Variants in IREB2 observed in about 807,000 individuals in gnomAD.
IREB2 encodes the protein iron responsive element binding protein 2.
A neutral mutation model predicts 118.8 loss-of-function variants in IREB2; 39 were observed. The observed-to-expected ratio is 0.33, with a 90% CI of 0.25 to 0.43. IREB2 has a LOEUF of 0.43. IREB2 is among the 20% of genes least tolerant of loss of function. The probability of loss-of-function intolerance (pLI) is 1.00; values close to 1 mark genes in which losing one functional copy is unlikely to be tolerated. For synonymous variants in IREB2, 372 were observed against 392.2 expected, an observed-to-expected ratio of 0.95 and a Z score of 0.61; for missense variants, 900 against 1,147.3, an observed-to-expected ratio of 0.78 and a Z score of 3.11.
intron 16 of IREB2, 61 bp from the exon 17 acceptor site, chr15:78,490,361 G>A (rs1486162204): frequency 8.8e-6 from 9 of 1,022,856 alleles, no homozygotes; most frequent in Middle Eastern, 2.1e-4. Flanking sequence ...ATTTTCATGC[G>A]CCTCTTTTTC....
intron 20 of IREB2, among the ~76,000 whole-genome samples, chr15:78,494,657 A>G (rs939196942): frequency 7.2e-5 from 11 of 152,074 alleles, no homozygotes; most frequent in Admixed American, 4.6e-4. Context: ...TGCTGCAGCC[A>G]TGACCTCCCA....
intron 10 of IREB2, among the ~76,000 whole-genome samples, chr15:78,481,250 T>G (rs1357113234): frequency 2.0e-5 from 3 of 152,190 alleles, no homozygotes; most frequent in Non-Finnish European, 4.4e-5. Context: ...CCACCCATGC[T>G]GGAGTGCAGT....
At position 78,466,400 on chromosome 15, in the gene IREB2, T is replaced by C. The variant is rs372459432; in HGVS notation, c.540T>C (p.Ser180=). Residue 180 remains serine (S), a synonymous_variant, in exon 5 of 22, where the codon TCT becomes TCC. Coordinates refer to ENST00000258886, the MANE Select transcript of IREB2 (RefSeq NM_004136.4). ...CTACCTGCCGAGGATCTTGTGATTCTGGAGAACTAGGCCGAAACTCAGGAA... is the reference window on the plus strand; with the variant it reads ...CTACCTGCCGAGGATCTTGTGATTCCGGAGAACTAGGCCGAAACTCAGGAA... ...GQTTCRGSCD[S]GELGRNSGTF... 1.9e-6 allele frequency: 3 copies of C among 1,614,202 alleles called. No individual in the cohort carries two copies. Among genetic ancestry groups the C allele is most frequent in the African/African-American group, 2.7e-5 (2 of 75,050 alleles).
chr15:78,458,657 C>T (rs1437851749), intron 2 of IREB2, among the ~76,000 whole-genome samples: 1 of 152,168 alleles, frequency 6.6e-6, no homozygotes, highest in Admixed American at 6.5e-5. Context: ...TACTCACCTC[C>T]CTCATAGCAC....
At position 78,488,624 on chromosome 15, in the gene IREB2, T is replaced by C. The variant is rs780170627; in HGVS notation, c.1952-23T>C. 5.1e-6 allele frequency: 8 copies of C among 1,580,882 alleles called. No individual in the cohort carries two copies. The African/African-American group carries it at 9.6e-5, about 19-fold the overall frequency. ...TTCAGAGTTATTTTTTTACTGAGTA[T>C]CATGTTCAAAAATTTTAACCAGGTA... On this transcript the variant is annotated intron_variant, in intron 15 of 21. Coordinates refer to ENST00000258886, the MANE Select transcript of IREB2 (RefSeq NM_004136.4).
At chr15:78,477,926 A>C (rs771792314) in intron 9 of IREB2, among the ~76,000 whole-genome samples, 52 of 152,050 alleles carry the variant, frequency 3.4e-4, no homozygotes, top group Non-Finnish European at 6.5e-4. Context: ...GTTTCTAAAA[A>C]TAATAAATTT....
intron 2 of IREB2, among the ~76,000 whole-genome samples, chr15:78,442,156 A>G (rs2050854780): frequency 6.6e-6 from 1 of 152,146 alleles, no homozygotes. Flanking sequence ...TCAGCCTCTC[A>G]AAGTGCTGGG....
intron 4 of IREB2, 95 bp downstream of exon 4, chr15:78,465,483 A>G (rs2051266929): frequency 2.5e-6 from 3 of 1,184,368 alleles, no homozygotes; most frequent in Non-Finnish European, 3.5e-6. Flanking sequence ...TTTATGGCAG[A>G]GAAAAGTATG....
chr15:78,447,758 T>A (rs187470270), intron 2 of IREB2, among the ~76,000 whole-genome samples: 3 of 152,340 alleles, frequency 2.0e-5, no homozygotes, highest in Admixed American at 6.5e-5. Context: ...CCCATTATTC[T>A]GCTTTTCTTT....
chr15:78,452,325 TGAAGTTGGGAACA>T (rs1189002298), intron 2 of IREB2, among the ~76,000 whole-genome samples: 2 of 152,118 alleles, frequency 1.3e-5, no homozygotes, highest in African/African-American at 4.8e-5. Flanking sequence ...TAGGTACTAG[TGAAGTTGGGAACA>T]TACCAGTATT....
Position 78,494,246 on chromosome 15 carries a change from C to G in IREB2, c.2577C>G (p.Ala859=). The change falls in exon 20 of 22, where the codon GCC becomes GCG. Residue 859 remains alanine (A), a synonymous_variant. Transcript: ENST00000258886. ...YGSGNSRDWA[A]KGPYLLGVKA... ...CAGGAAACTCCAGAGACTGGGCTGC[C>G]AAAGGACCGTATTTACTGGTATTGA... 6.2e-7 allele frequency: 1 copy of G among 1,613,768 alleles called. No homozygotes were observed.
chr15:78,476,564 T>G (rs1047106991), intron 9 of IREB2: 5 of 386,092 alleles, frequency 1.3e-5, no homozygotes, highest in African/African-American at 8.1e-5. Context: ...TGAAAGCAAT[T>G]TAAAGGAATT....
chr15:78,474,720 T>C (rs777777571), intron 8 of IREB2: 4 of 152,198 alleles, frequency 2.6e-5, no homozygotes, highest in Non-Finnish European at 5.9e-5. Context: ...GAGAGCAGCA[T>C]TTGGTTTGTA....
rs139257953 is a variant in IREB2 at position 78,455,539 on chromosome 15, T to A, written c.107-7383T>A. Among the ~76,000 whole-genome samples, 1,190 of 151,174 alleles carry A rather than the reference T, an allele frequency of 7.9e-3. 17 individuals are homozygous for A. The highest frequency in any genetic ancestry group is 0.027 in the African/African-American group (1,123 of 41,182). On this transcript the variant is annotated intron_variant, in intron 2 of 21. Coordinates refer to ENST00000258886, the MANE Select transcript of IREB2 (RefSeq NM_004136.4). ...GAGGCCAGAAGTTGGGAGACCATCC[T>A]GGGCAACATAGGAAAATCCCATCTC...
At position 78,465,425 on chromosome 15, in the gene IREB2, G is replaced by A. The variant is rs187072238; in HGVS notation, c.410+37G>A. Reference sequence around the variant, plus strand: ...CAGATATTTATAGACAGCCATGCAAGTTAATTGGCTGGAAATGTGTCATGT... The same window carrying A: ...CAGATATTTATAGACAGCCATGCAAATTAATTGGCTGGAAATGTGTCATGT... On this transcript the variant is annotated intron_variant, in intron 4 of 21. Coordinates refer to ENST00000258886, the MANE Select transcript of IREB2 (RefSeq NM_004136.4). The A allele has an allele frequency of 1.7e-5, 26 of 1,563,188 alleles. No homozygotes were observed. In the African/African-American group the frequency reaches 3.0e-4, roughly 18 times the overall value.
chr15:78,441,656 CTG>C (rs1347849876), intron 2 of IREB2, among the ~76,000 whole-genome samples: 2 of 152,140 alleles, frequency 1.3e-5, no homozygotes, highest in African/African-American at 2.4e-5. Context: ...TCAAAAACAA[CTG>C]TAAAATGCAT....
rs1171037146 is a variant in IREB2 at position 78,497,343 on chromosome 15, G to A, written c.2781+32G>A. 5.0e-6 allele frequency: 7 copies of A among 1,390,762 alleles called. No homozygotes were observed. In the Admixed American group the frequency reaches 1.2e-4, roughly 24 times the overall value. 86.2% of individuals were successfully genotyped at this position (1,390,762 alleles called of 1,614,324 possible). On this transcript the variant is annotated intron_variant, in intron 21 of 21. Transcript: ENST00000258886. ...CTAAATTTTTCAAATATATGATTAT[G>A]CACTCAAATGTTTATGAATTATTGA...
At chr15:78,473,610 AT>A (rs2051416038) in intron 8 of IREB2, 1 of 465,306 alleles carries the variant, frequency 2.1e-6, no homozygotes, top group South Asian at 2.8e-5. Context: ...TTTAGTCCTT[AT>A]AACAAGCCTG....
intron 2 of IREB2, among the ~76,000 whole-genome samples, chr15:78,453,952 C>G (rs2656068): frequency 0.04 from 6,023 of 152,234 alleles, 450 homozygotes; most frequent in African/African-American, 0.14. Context: ...TTTCCTCATT[C>G]TTCCTCCTCA....
Sources: gnomAD v4.1 joint callset for allele counts (sites outside exome capture counted in the v4.1 genomes callset) on GRCh38, gnomAD v4.1.1 for gene constraint, MANE v1.5 for transcripts, NCBI Gene and HGNC (gene_info 2026-07-23, HGNC 2026-07-21) for gene names.